Variants in COL10A1 observed in about 807,000 individuals in gnomAD.
COL10A1 encodes collagen alpha-1(X) chain.
A neutral mutation model predicts 18.2 loss-of-function variants in COL10A1; 10 were observed. The observed-to-expected ratio is 0.55, with a 90% CI of 0.34 to 0.93. The LOEUF is 0.93. Among genes scored for constraint, COL10A1 ranks in the 40% least tolerant of loss-of-function variants. The pLI is 0.02. For synonymous variants in COL10A1, 330 were observed against 316.6 expected (o/e 1.04, Z -0.45); for missense variants, 897 against 853.5 (o/e 1.05, Z -0.64).
intron 1 of COL10A1, among the ~76,000 whole-genome samples, chr6:116,134,247 C>G (rs1174443121): frequency 2.0e-5 from 3 of 152,064 alleles, no homozygotes; most frequent in Admixed American, 1.3e-4. Context: ...CTATGTATAC[C>G]AGTTGCCAGG....
the COL10A1 span, among the ~76,000 whole-genome samples, chr6:116,188,364 G>A: frequency 6.6e-6 from 1 of 152,130 alleles, no homozygotes; most frequent in Non-Finnish European, 1.5e-5. Context: ...AATGTTCTTA[G>A]TGGCATTCAC....
Position 116,120,356 on chromosome 6 carries a change from C to G in COL10A1, c.1760G>C (p.Gly587Ala). The part of the protein sequence containing the change: ...NRQQHYDPRT[G>A]IFTCQIPGIY... ...TCCTGGTATCTGACAAGTAAAGATT[C>G]CAGTCCTTGGGTCATAATGCTGTTG... Residue 587 changes from glycine to alanine, a missense_variant, in exon 3 of 3, where the codon GGA (glycine) becomes GCA (alanine). By Grantham distance (60) the Gly-to-Ala change is moderately conservative. Coordinates refer to ENST00000651968, the MANE Select transcript of COL10A1 (RefSeq NM_000493.4). 6.2e-7 allele frequency: 1 copy of G among 1,614,242 alleles called. No homozygotes were observed. Among genetic ancestry groups the G allele is most frequent in the Non-Finnish European group, 8.5e-7 (1 of 1,180,044 alleles).
the COL10A1 span, among the ~76,000 whole-genome samples, chr6:116,175,913 A>G: frequency 1.0e-3 from 159 of 152,008 alleles, 1 homozygote; most frequent in African/African-American, 3.7e-3. Context: ...GTCTGTGTCT[A>G]TTGATTAACT....
rs1779147586 is a variant in COL10A1 at position 116,122,024 on chromosome 6, C to G, written c.155-63G>C. ...GATGGTTAGTGACATTAAAGAGAAT[C>G]ATTGCCTTTCAAACTATGAATTGGG... On this transcript the variant is annotated intron_variant, in intron 2 of 2. Transcript: ENST00000651968. The G allele has an allele frequency of 4.3e-6, 6 of 1,380,950 alleles. No homozygotes were observed. The Admixed American group carries it at 1.0e-4, about 23-fold the overall frequency. 85.5% of individuals were successfully genotyped at this position (1,380,950 alleles called of 1,614,324 possible). A position where few individuals can be genotyped will look rare whatever the true frequency, so the allele number is the denominator to read the frequency against.
chr6:116,164,910 C>T, the COL10A1 span, among the ~76,000 whole-genome samples: 52 of 151,816 alleles, frequency 3.4e-4, no homozygotes, highest in African/African-American at 1.2e-3. Context: ...GGTGAAACCC[C>T]GTCTCTACTA....
chr6:116,163,504 C>A (rs1348551718), upstream of COL10A1, among the ~76,000 whole-genome samples: 2 of 151,554 alleles, frequency 1.3e-5, no homozygotes, highest in African/African-American at 4.8e-5. Flanking sequence ...TTATTTGAGT[C>A]CTCTTTTTTT....
intron 1 of COL10A1, among the ~76,000 whole-genome samples, chr6:116,152,771 T>C (rs973490520): frequency 8.5e-5 from 13 of 152,210 alleles, no homozygotes; most frequent in Non-Finnish European, 1.9e-4. Flanking sequence ...AACTCTAATA[T>C]AGTTCTTGGC....
chr6:116,149,915 T>A lies in COL10A1; in HGVS notation c.-16+8699A>T, dbSNP rs73772286. Among the ~76,000 whole-genome samples the A allele has an allele frequency of 4.8e-3, 734 of 152,344 alleles. 11 individuals are homozygous for A. Among genetic ancestry groups the A allele is most frequent in the South Asian group, 0.042 (204 of 4,820 alleles). On this transcript the variant is annotated intron_variant, in intron 1 of 1. Transcript: ENST00000418500. The stretch of plus-strand genomic sequence containing the variant: ...TAACGGCTTTTTATCTAAAGCATAG[T>A]GTTCCCCCACTCACAGGTAGGTAAG...
intron 1 of COL10A1, among the ~76,000 whole-genome samples, chr6:116,149,477 G>A (rs1163885539): frequency 6.6e-6 from 1 of 152,238 alleles, no homozygotes. Flanking sequence ...CCTATTCAAA[G>A]GCTACTTTAG....
At chr6:116,207,351 G>A in the COL10A1 span, among the ~76,000 whole-genome samples, 1 of 119,374 alleles carries the variant, frequency 8.4e-6, no homozygotes, top group South Asian at 3.3e-4. Context: ...TGGACTTAAT[G>A]TATTCTAAAG....
the COL10A1 span, among the ~76,000 whole-genome samples, chr6:116,215,527 T>C: frequency 6.6e-6 from 1 of 152,140 alleles, no homozygotes; most frequent in Admixed American, 6.6e-5. Flanking sequence ...TTGTATGTGA[T>C]TCTGTCATCA....
rs1302306063 is a variant in COL10A1 at position 116,121,141 on chromosome 6, T to A, written c.975A>T (p.Gln325His). The change falls in exon 3 of 3, where the codon CAA becomes CAT. Residue 325 changes from glutamine to histidine, a missense_variant. Physicochemically the swap from Gln to His is conservative, Grantham distance 24 (BLOSUM62 0). Coordinates refer to ENST00000651968, the MANE Select transcript of COL10A1 (RefSeq NM_000493.4). ...GCTTCCCAGGAAGACCTGCTGGCCC[T>A]TGTTCCCCTTTGGCACCTGGACCCC... ...LPGGPGAKGE[Q>H]GPAGLPGKPG... 3 of 1,613,386 alleles carry A rather than the reference T, an allele frequency of 1.9e-6. No homozygotes were observed. The highest frequency in any genetic ancestry group is 2.7e-5 in the African/African-American group (2 of 75,024).
At chr6:116,180,070 T>C in the COL10A1 span, among the ~76,000 whole-genome samples, 1 of 152,146 alleles carries the variant, frequency 6.6e-6, no homozygotes, top group Non-Finnish European at 1.5e-5. Context: ...GTGTTGAATT[T>C]ATAATGATCT....
chr6:116,124,862 C>G (rs896484851), intron 2 of COL10A1, among the ~76,000 whole-genome samples: 1 of 152,072 alleles, frequency 6.6e-6, no homozygotes, highest in South Asian at 2.1e-4. Context: ...GGGGGGGAGG[C>G]CATCAGATTT....
At chr6:116,184,446 A>G in the COL10A1 span, among the ~76,000 whole-genome samples, 1 of 151,996 alleles carries the variant, frequency 6.6e-6, no homozygotes, top group African/African-American at 2.4e-5. Context: ...ATCTTTTGAA[A>G]TAGTGTCAAT....
chr6:116,171,684 A>G, the COL10A1 span, among the ~76,000 whole-genome samples: 3 of 152,284 alleles, frequency 2.0e-5, no homozygotes, highest in African/African-American at 4.8e-5. Context: ...TGCTGTTTCT[A>G]TTCTACTTTT....
At chr6:116,172,130 C>A in the COL10A1 span, among the ~76,000 whole-genome samples, 2 of 152,098 alleles carry the variant, frequency 1.3e-5, no homozygotes, top group African/African-American at 4.8e-5. Flanking sequence ...ATTTCCTAAC[C>A]TGTTGTAAAT....
intron 1 of COL10A1, among the ~76,000 whole-genome samples, chr6:116,134,075 G>A (rs1441847804): frequency 6.6e-6 from 1 of 152,174 alleles, no homozygotes; most frequent in Non-Finnish European, 1.5e-5. Flanking sequence ...AATTTTATAT[G>A]TTAGGATCTT....
intron 1 of COL10A1, among the ~76,000 whole-genome samples, chr6:116,152,366 T>C (rs1780064283): frequency 6.6e-6 from 1 of 152,178 alleles, no homozygotes. Flanking sequence ...CCTCTGCTTT[T>C]CACCGTGAGG....
Sources: gnomAD v4.1 joint callset for allele counts (sites outside exome capture counted in the v4.1 genomes callset) on GRCh38, gnomAD v4.1.1 for gene constraint, MANE v1.5 for transcripts, NCBI Gene and HGNC (gene_info 2026-07-23, HGNC 2026-07-21) for gene names.